The following GRID1 variants were observed in gnomAD, a reference collection of about 807,000 sequenced individuals.
GRID1 encodes glutamate receptor ionotropic, delta-1.
A neutral mutation model predicts 98.0 loss-of-function variants in GRID1; 28 were observed. That is an observed-to-expected ratio of 0.29 (90% CI 0.21 to 0.39). GRID1 has a LOEUF of 0.39. Ranked by LOEUF, GRID1 falls within the 10% of genes least tolerant of loss-of-function variation. The pLI, the probability that GRID1 is intolerant of heterozygous loss-of-function variation, is 1.00. For missense variants in GRID1, 1,111 were observed against 1,340.5 expected, an observed-to-expected ratio of 0.83 and a Z score of 2.67; for synonymous variants, 553 against 538.5, an observed-to-expected ratio of 1.03 and a Z score of -0.37.
intron 8 of GRID1, among the ~76,000 whole-genome samples, chr10:85,828,794 T>A (rs900559267): frequency 6.6e-6 from 1 of 152,056 alleles, no homozygotes; most frequent in African/African-American, 2.4e-5. Flanking sequence ...AAAAATTAGT[T>A]ACAAAATTGA....
At chr10:86,037,471 T>C (rs1303205780) in intron 4 of GRID1, among the ~76,000 whole-genome samples, 1 of 152,158 alleles carries the variant, frequency 6.6e-6, no homozygotes, top group Non-Finnish European at 1.5e-5. Flanking sequence ...TTATGCAAAG[T>C]GTTTAGACCA....
chr10:86,279,844 T>A lies in GRID1; in HGVS notation c.236-73196A>T, dbSNP rs116747862. 5.1e-3 allele frequency among the ~76,000 whole-genome samples: 783 copies of A among 152,316 alleles called. 8 individuals are homozygous for A. Among genetic ancestry groups the A allele is most frequent in the African/African-American group, 0.018 (748 of 41,582 alleles). On this transcript the variant is annotated intron_variant, in intron 2 of 15. Transcript: ENST00000327946. ...TGACATTATCATTTACTTAGAAAAT[T>A]TGATGGAATCTACCCTTTAAAAAAA...
At chr10:86,202,731 G>A (rs1378174044) in intron 3 of GRID1, among the ~76,000 whole-genome samples, 1 of 152,096 alleles carries the variant, frequency 6.6e-6, no homozygotes, top group Non-Finnish European at 1.5e-5. Flanking sequence ...CTAACTCCTG[G>A]CTCAAATGCC....
At chr10:86,123,658 G>A (rs1279341159) in intron 4 of GRID1, among the ~76,000 whole-genome samples, 1 of 152,200 alleles carries the variant, frequency 6.6e-6, no homozygotes, top group Non-Finnish European at 1.5e-5. Context: ...GTTTGTTATT[G>A]CTGTTGCTTT....
chr10:86,301,317 A>G (rs550562089), intron 2 of GRID1, among the ~76,000 whole-genome samples: 1 of 152,330 alleles, frequency 6.6e-6, no homozygotes, highest in African/African-American at 2.4e-5. Flanking sequence ...TCAAAAATCA[A>G]TCAGCTCCAT....
intron 4 of GRID1, among the ~76,000 whole-genome samples, chr10:86,106,828 C>T (rs543947679): frequency 1.3e-5 from 2 of 151,906 alleles, no homozygotes; most frequent in Non-Finnish European, 2.9e-5. Flanking sequence ...AGGATGAGGC[C>T]GTTGGAGGTG....
intron 4 of GRID1, among the ~76,000 whole-genome samples, chr10:85,952,299 C>G (rs758952262): frequency 2.6e-5 from 4 of 152,180 alleles, no homozygotes; most frequent in Non-Finnish European, 4.4e-5. Context: ...CTAGAACAGG[C>G]TAAATCTTCA....
chr10:85,605,747 G>A (rs1173596325), intron 15 of GRID1: 1 of 152,204 alleles, frequency 6.6e-6, no homozygotes, highest in African/African-American at 2.4e-5. Context: ...TTTTGTTAGA[G>A]TTTGGAGAGA....
chr10:86,099,409 G>T (rs1844263375), intron 4 of GRID1, among the ~76,000 whole-genome samples: 1 of 152,158 alleles, frequency 6.6e-6, no homozygotes, highest in Non-Finnish European at 1.5e-5. Flanking sequence ...AGAGAAAACA[G>T]ACGAACACAC....
At chr10:86,122,105 C>T (rs1198862921) in intron 4 of GRID1, among the ~76,000 whole-genome samples, 2 of 152,218 alleles carry the variant, frequency 1.3e-5, no homozygotes, top group African/African-American at 4.8e-5. Context: ...GAGACAAATG[C>T]AGTCATTTAC....
At chr10:85,868,268 C>T (rs1843241742) in intron 6 of GRID1, among the ~76,000 whole-genome samples, 1 of 152,180 alleles carries the variant, frequency 6.6e-6, no homozygotes, top group Non-Finnish European at 1.5e-5. Flanking sequence ...CACCACATTC[C>T]TAACCTAGAA....
chr10:86,328,890 C>T (rs919720154), intron 2 of GRID1, among the ~76,000 whole-genome samples: 2 of 152,036 alleles, frequency 1.3e-5, no homozygotes, highest in African/African-American at 4.8e-5. Context: ...CCCCGGGTCA[C>T]CCCACCCCCA....
chr10:85,921,565 C>T (rs1361107208), intron 4 of GRID1, among the ~76,000 whole-genome samples: 1 of 152,158 alleles, frequency 6.6e-6, no homozygotes, highest in African/African-American at 2.4e-5. Flanking sequence ...ATGTGGGCCA[C>T]GTACTGGCTC....
At chr10:86,337,238 G>A (rs941739665) in intron 2 of GRID1, among the ~76,000 whole-genome samples, 4 of 152,084 alleles carry the variant, frequency 2.6e-5, no homozygotes. Flanking sequence ...CCCTGTTAGG[G>A]AGGCCCCCCA....
chr10:86,057,675 C>A (rs776554469), intron 4 of GRID1, among the ~76,000 whole-genome samples: 12 of 152,264 alleles, frequency 7.9e-5, no homozygotes, highest in Non-Finnish European at 1.8e-4. Context: ...TCAGGTCTCA[C>A]CTCAAGGACC....
intron 5 of GRID1, among the ~76,000 whole-genome samples, chr10:85,877,176 G>A (rs1843342591): frequency 6.6e-6 from 1 of 152,370 alleles, no homozygotes; most frequent in African/African-American, 2.4e-5. Flanking sequence ...ACCTCTGGGG[G>A]CAGGGCACAG....
intron 2 of GRID1, among the ~76,000 whole-genome samples, chr10:86,354,758 T>G (rs1848511832): frequency 6.6e-6 from 1 of 152,144 alleles, no homozygotes; most frequent in African/African-American, 2.4e-5. Flanking sequence ...TTCTGGCCAC[T>G]CTATGCACTC....
At chr10:85,712,967 G>T (rs1423472490) in intron 12 of GRID1, among the ~76,000 whole-genome samples, 1 of 151,466 alleles carries the variant, frequency 6.6e-6, no homozygotes, top group Non-Finnish European at 1.5e-5. Context: ...CATTAAAAAA[G>T]AAACCTTTTA....
intron 4 of GRID1, among the ~76,000 whole-genome samples, chr10:86,118,926 C>G (rs1844626715): frequency 1.3e-5 from 2 of 152,172 alleles, no homozygotes; most frequent in Admixed American, 6.5e-5. Context: ...CAAGAAAAGC[C>G]TGAGAAACTA....
Sources: gnomAD v4.1 joint callset for allele counts (sites outside exome capture counted in the v4.1 genomes callset) on GRCh38, gnomAD v4.1.1 for gene constraint, MANE v1.5 for transcripts, NCBI Gene and HGNC (gene_info 2026-07-23, HGNC 2026-07-21) for gene names.